Variants in SMOC2 observed in about 807,000 individuals in gnomAD.
SMOC2 encodes the protein SPARC related modular calcium binding 2.
In SMOC2, 39 loss-of-function variants were observed where a neutral mutation model predicts 61.4. That is an observed-to-expected ratio of 0.64 (90% CI 0.49 to 0.83). SMOC2 has a LOEUF of 0.83. Ranked by LOEUF, SMOC2 falls within the 40% of genes least tolerant of loss-of-function variation. The pLI is 0.00. For missense variants in SMOC2, 556 were observed against 592.9 expected, an observed-to-expected ratio of 0.94 and a Z score of 0.65; for synonymous variants, 247 against 239.9, an observed-to-expected ratio of 1.03 and a Z score of -0.27.
rs12174759 is a variant in SMOC2, at chr6:168,470,442, G to A, written c.84+28988G>A. Among the ~76,000 whole-genome samples the A allele has an allele frequency of 0.014, 2,200 of 152,264 alleles. 87 individuals carry two copies. The East Asian group carries it at 0.17, about 12-fold the overall frequency. Reference sequence around the variant, plus strand: ...TGTAATCCCAGCAGTCTGAGAGGCCGAGTCGGTGGGCTGCTTGAGTTCAAG... The same window carrying A: ...TGTAATCCCAGCAGTCTGAGAGGCCAAGTCGGTGGGCTGCTTGAGTTCAAG... On this transcript the variant is annotated intron_variant, in intron 1 of 12. Transcript: ENST00000356284.
chr6:168,556,467 G>C (rs1003354430), intron 7 of SMOC2, among the ~76,000 whole-genome samples: 9 of 151,154 alleles, frequency 6.0e-5, no homozygotes, highest in Admixed American at 3.3e-4. Flanking sequence ...TGCGGGCCCT[G>C]GGCACTGATG....
intron 1 of SMOC2, among the ~76,000 whole-genome samples, chr6:168,458,638 G>A (rs1781648034): frequency 6.6e-6 from 1 of 152,210 alleles, no homozygotes; most frequent in South Asian, 2.1e-4. Flanking sequence ...GGCTCCCAGG[G>A]TCCTGGGCCA....
At chr6:168,627,383 G>A (rs1786441191) in intron 9 of SMOC2, among the ~76,000 whole-genome samples, 1 of 152,128 alleles carries the variant, frequency 6.6e-6, no homozygotes, top group African/African-American at 2.4e-5. Flanking sequence ...TCAGGAATTG[G>A]TATTTTATCT....
At position 168,441,753 on chromosome 6, in the gene SMOC2, C is replaced by T. The variant is rs1348487135; in HGVS notation, c.84+299C>T. Among the ~76,000 whole-genome samples, 3 of 152,294 alleles carry T rather than the reference C, an allele frequency of 2.0e-5. No homozygotes were observed. In the East Asian group the frequency reaches 5.8e-4, roughly 30 times the overall value. On this transcript the variant is annotated intron_variant, in intron 1 of 12. Transcript: ENST00000356284. ...CCCCACCTGCCTCGGGGGCTCTGACCCGGCTGTGAGAGGATCCTGGGGTCC... is the reference window on the plus strand; with the variant it reads ...CCCCACCTGCCTCGGGGGCTCTGACTCGGCTGTGAGAGGATCCTGGGGTCC...
At chr6:168,655,537 A>T (rs1276441573) in intron 11 of SMOC2, 1 of 402,908 alleles carries the variant, frequency 2.5e-6, no homozygotes, top group South Asian at 1.7e-5. Context: ...CGTGCTAGAT[A>T]CTCCTGCATG....
intron 1 of SMOC2, among the ~76,000 whole-genome samples, chr6:168,462,889 T>A (rs1435456908): frequency 6.6e-6 from 1 of 152,160 alleles, no homozygotes; most frequent in Non-Finnish European, 1.5e-5. Flanking sequence ...GGAAGGGTGC[T>A]AAGTGGATGA....
At chr6:168,524,627 C>G (rs146805159) in intron 2 of SMOC2, among the ~76,000 whole-genome samples, 5 of 152,336 alleles carry the variant, frequency 3.3e-5, no homozygotes, top group African/African-American at 1.2e-4. Flanking sequence ...CCTTTTTAGA[C>G]AGTCAAAACC....
intron 1 of SMOC2, among the ~76,000 whole-genome samples, chr6:168,494,189 G>A (rs1466169480): frequency 1.3e-5 from 2 of 152,178 alleles, no homozygotes; most frequent in Non-Finnish European, 2.9e-5. Flanking sequence ...CTGAGTGCAA[G>A]CATTCTTCAT....
At chr6:168,632,736 A>C (rs1425241323) in intron 9 of SMOC2, among the ~76,000 whole-genome samples, 1 of 152,210 alleles carries the variant, frequency 6.6e-6, no homozygotes, top group African/African-American at 2.4e-5. Flanking sequence ...TTCATCCACA[A>C]CATTGTAACT....
At chr6:168,586,655 G>T (rs935202221) in intron 7 of SMOC2, among the ~76,000 whole-genome samples, 5 of 152,034 alleles carry the variant, frequency 3.3e-5, no homozygotes, top group African/African-American at 9.7e-5. Context: ...AATTTTTTCA[G>T]CAATGCTTTT....
At chr6:168,662,291 G>A (rs907019281) in intron 11 of SMOC2, among the ~76,000 whole-genome samples, 1 of 152,210 alleles carries the variant, frequency 6.6e-6, no homozygotes, top group Non-Finnish European at 1.5e-5. Context: ...AGCACGATAG[G>A]GGTTGCTTGT....
At chr6:168,589,062 G>A (rs1785112558) in intron 7 of SMOC2, among the ~76,000 whole-genome samples, 1 of 133,008 alleles carries the variant, frequency 7.5e-6, no homozygotes, top group African/African-American at 2.9e-5. Flanking sequence ...GCATGACAGA[G>A]GGAGAATTCG....
At chr6:168,591,371 C>A (rs1475711588) in intron 7 of SMOC2, among the ~76,000 whole-genome samples, 2 of 152,124 alleles carry the variant, frequency 1.3e-5, no homozygotes, top group Non-Finnish European at 2.9e-5. Flanking sequence ...AAAGACAGCA[C>A]CATGCAATCA....
chr6:168,466,937 C>T (rs1454108018), intron 1 of SMOC2, among the ~76,000 whole-genome samples: 1 of 152,190 alleles, frequency 6.6e-6, no homozygotes. Flanking sequence ...GTTCCCTTGT[C>T]TACTCTGAGC....
chr6:168,663,157 T>C (rs920940848), intron 11 of SMOC2, among the ~76,000 whole-genome samples: 2 of 152,006 alleles, frequency 1.3e-5, no homozygotes, highest in Non-Finnish European at 2.9e-5. Flanking sequence ...TGGGTGAAGA[T>C]AGGAAAGGGA....
At position 168,579,863 on chromosome 6, in the gene SMOC2, A is replaced by C. The variant is rs111888236; in HGVS notation, c.638-18955A>C. 6.0e-3 allele frequency among the ~76,000 whole-genome samples: 914 copies of C among 152,294 alleles called. 2 individuals are homozygous for C. The highest frequency in any genetic ancestry group is 0.02 in the Middle Eastern group (6 of 294). ...CTAAGGAGAGAATGGAATCAGGGCT[A>C]ACTTCGACTCCGGTTTTCAAAGCTT... On this transcript the variant is annotated intron_variant, in intron 7 of 12. Transcript: ENST00000356284.
chr6:168,547,836 A>G (rs185318960), intron 6 of SMOC2, among the ~76,000 whole-genome samples: 68 of 152,120 alleles, frequency 4.5e-4, no homozygotes, highest in Admixed American at 2.2e-3. Flanking sequence ...GGATTTTCAG[A>G]TATTGCCATG....
intron 7 of SMOC2, among the ~76,000 whole-genome samples, chr6:168,564,215 A>G (rs935407895): frequency 1.3e-5 from 2 of 152,076 alleles, no homozygotes; most frequent in Non-Finnish European, 2.9e-5. Flanking sequence ...AGTCCTTACC[A>G]GATTTATGAT....
intron 1 of SMOC2, among the ~76,000 whole-genome samples, chr6:168,459,808 G>A (rs1357168287): frequency 1.3e-5 from 2 of 148,550 alleles, no homozygotes; most frequent in East Asian, 4.1e-4. Context: ...TGAGCCCCGG[G>A]CTGGGTGAGC....
Sources: gnomAD v4.1 joint callset for allele counts (sites outside exome capture counted in the v4.1 genomes callset) on GRCh38, gnomAD v4.1.1 for gene constraint, MANE v1.5 for transcripts, NCBI Gene and HGNC (gene_info 2026-07-23, HGNC 2026-07-21) for gene names.